Variants in OPRM1 observed in about 807,000 individuals in gnomAD.
OPRM1 encodes mu-type opioid receptor.
In OPRM1, 27 loss-of-function variants were observed where a neutral mutation model predicts 31.8. That is an observed-to-expected ratio of 0.85 (90% CI 0.63 to 1.17). The LOEUF is 1.17. OPRM1 is among the 50% of genes most tolerant of loss of function. The pLI, the probability that OPRM1 is intolerant of heterozygous loss-of-function variation, is 0.00. For synonymous variants in OPRM1, 196 were observed against 189.9 expected, an observed-to-expected ratio of 1.03 and a Z score of -0.26; for missense variants, 536 against 511.1, an observed-to-expected ratio of 1.05 and a Z score of -0.47.
At chr6:154,235,931 C>T (rs934657712) in intron 3 of OPRM1, among the ~76,000 whole-genome samples, 1 of 152,152 alleles carries the variant, frequency 6.6e-6, no homozygotes, top group Non-Finnish European at 1.5e-5. Context: ...GAAAATGGAA[C>T]CCTTGTGTTC....
chr6:154,224,407 T>C (rs777065249), intron 3 of OPRM1, among the ~76,000 whole-genome samples: 1 of 152,124 alleles, frequency 6.6e-6, no homozygotes, highest in Non-Finnish European at 1.5e-5. Flanking sequence ...GCCTTCCTCT[T>C]ATAAGATTCA....
chr6:154,197,413 A>G (rs1776703131), intron 3 of OPRM1, among the ~76,000 whole-genome samples: 1 of 152,250 alleles, frequency 6.6e-6, no homozygotes, highest in African/African-American at 2.4e-5. Flanking sequence ...AATCCCCAGC[A>G]GCAGAAGAAA....
chr6:154,098,088 A>T (rs1793718769), intron 3 of OPRM1, among the ~76,000 whole-genome samples: 1 of 152,050 alleles, frequency 6.6e-6, no homozygotes, highest in African/African-American at 2.4e-5. Context: ...AATTTTAAAA[A>T]TTAGAAAAAA....
rs547206556 is a variant in OPRM1 at position 154,233,875 on chromosome 6, C to T, written c.1165-12818C>T. Among the ~76,000 whole-genome samples the T allele has an allele frequency of 3.9e-5, 6 of 152,262 alleles. No homozygotes were observed. The South Asian group carries it at 6.2e-4, about 16-fold the overall frequency. ...TCCTCGGAGATCACTGCTCCTGGGA[C>T]GAGCTCTCAACCAGCAACGAATGGG... On this transcript the variant is annotated intron_variant, in intron 3 of 3. Coordinates refer to the OPRM1 transcript ENST00000337049.
intron 1 of OPRM1, among the ~76,000 whole-genome samples, chr6:154,064,799 G>A (rs1785049218): frequency 6.6e-6 from 1 of 152,162 alleles, no homozygotes; most frequent in South Asian, 2.1e-4. Context: ...ATTTGGGCAT[G>A]TAGGCAAGGG....
chr6:154,062,532 G>A (rs1169337698), intron 1 of OPRM1, among the ~76,000 whole-genome samples: 2 of 151,722 alleles, frequency 1.3e-5, no homozygotes, highest in African/African-American at 2.4e-5. Flanking sequence ...TTTCCACAGG[G>A]AAAGGAAAAT....
In OPRM1 at chr6:154,238,135, C is replaced by T. The variant is rs570966534; in HGVS notation, c.1165-8558C>T. On this transcript the variant is annotated intron_variant, in intron 3 of 3. Coordinates refer to the OPRM1 transcript ENST00000337049. ...TGTTTCTATGTATTACTTAGTGAGA[C>T]AATCAAGTGACAACAGCATCATGTA... Among the ~76,000 whole-genome samples, 4 of 152,248 alleles carry T rather than the reference C, an allele frequency of 2.6e-5. No individual in the cohort carries two copies. The East Asian group carries it at 7.7e-4, about 29-fold the overall frequency.
intron 3 of OPRM1, among the ~76,000 whole-genome samples, chr6:154,206,860 T>C (rs184018654): frequency 1.2e-3 from 185 of 152,320 alleles, no homozygotes; most frequent in Non-Finnish European, 1.3e-3. Context: ...AGGCCGTTTG[T>C]TGGGCTGACG....
At chr6:154,100,125 TTATGACATATAA>T (rs1794495303) in intron 3 of OPRM1, among the ~76,000 whole-genome samples, 5 of 33,876 alleles carry the variant, frequency 1.5e-4, no homozygotes, top group Admixed American at 7.7e-4. Context: ...TATTATCATA[TTATGACATATAA>T]TATATATTAT....
intron 1 of OPRM1, among the ~76,000 whole-genome samples, chr6:154,026,821 T>C (rs55829778): frequency 0.029 from 4,383 of 152,292 alleles, 202 homozygotes; most frequent in African/African-American, 0.1. Context: ...TAATCTCTGT[T>C]AAATTTATCT....
Position 154,131,942 on chromosome 6 carries a change from G to GTTTTTTTTTTTTTTTTT in OPRM1, c.*13236_*13237insTTTTTTTTTTTTTTTTT, listed in dbSNP as rs11301836. Among the ~76,000 whole-genome samples, 1 of 137,336 alleles carries GTTTTTTTTTTTTTTTTT rather than the reference G, an allele frequency of 7.3e-6. No homozygotes were observed. The highest frequency in any genetic ancestry group is 7.2e-5 in the Admixed American group (1 of 13,894). The allele number at this position is 137,336 out of a possible 152,430, so 90.1% of individuals were successfully genotyped here. On this transcript the variant is annotated 3_prime_UTR_variant, in exon 4 of 4. Transcript: ENST00000330432. ...CTGGGAGTTTTTCTATAAGTTTTTG[G>GTTTTTTTTTTTTTTTTT]TTTTTTTTTTTTTTTCTCTTCATTA... is the stretch of plus-strand genomic sequence containing the variant.
intron 3 of OPRM1, among the ~76,000 whole-genome samples, chr6:154,110,886 CAAAAAAAAA>C (rs374739553): frequency 7.9e-5 from 5 of 63,610 alleles, no homozygotes; most frequent in African/African-American, 1.1e-4. Context: ...GACTCCGTCT[CAAAAAAAAA>C]AAAAAAAAAA....
At chr6:154,187,367 T>TC (rs1276572706) in intron 3 of OPRM1, among the ~76,000 whole-genome samples, 1 of 152,192 alleles carries the variant, frequency 6.6e-6, no homozygotes, top group African/African-American at 2.4e-5. Flanking sequence ...TACCAGTCTC[T>TC]CCCCTCAGTG....
At chr6:154,033,790 T>TG (rs1779139184) in intron 1 of OPRM1, among the ~76,000 whole-genome samples, 2 of 152,348 alleles carry the variant, frequency 1.3e-5, no homozygotes, top group South Asian at 4.1e-4. Flanking sequence ...TGTGGATTTG[T>TG]GGGGTCTCTA....
chr6:154,117,190 A>G (rs1182015768), intron 3 of OPRM1, among the ~76,000 whole-genome samples: 2 of 152,216 alleles, frequency 1.3e-5, no homozygotes, highest in Non-Finnish European at 2.9e-5. Context: ...CAGGGAGTTC[A>G]CAAATGTCCC....
At chr6:154,170,333 CA>C (rs1337945333) in intron 3 of OPRM1, among the ~76,000 whole-genome samples, 4 of 152,154 alleles carry the variant, frequency 2.6e-5, no homozygotes, top group African/African-American at 9.7e-5. Flanking sequence ...ACTAGAAAAA[CA>C]GCCTCTCCAT....
At chr6:154,097,991 A>G (rs573908866) in intron 3 of OPRM1, among the ~76,000 whole-genome samples, 1 of 152,194 alleles carries the variant, frequency 6.6e-6, no homozygotes, top group Non-Finnish European at 1.5e-5. Flanking sequence ...GTACTTTGGG[A>G]GGCCAAGGCA....
chr6:154,100,545 G>C (rs1794682153), intron 3 of OPRM1, among the ~76,000 whole-genome samples: 1 of 151,696 alleles, frequency 6.6e-6, no homozygotes, highest in Non-Finnish European at 1.5e-5. Flanking sequence ...ATCATTATCA[G>C]ATACCAAATA....
chr6:154,230,862 T>C (rs896021651), intron 3 of OPRM1, among the ~76,000 whole-genome samples: 1 of 152,182 alleles, frequency 6.6e-6, no homozygotes, highest in African/African-American at 2.4e-5. Flanking sequence ...AAATAGAATC[T>C]TGAATTCAAG....
Sources: allele counts gnomAD v4.1 joint callset (sites outside exome capture counted in the v4.1 genomes callset), GRCh38; gene constraint gnomAD v4.1.1; transcripts MANE v1.5; gene names NCBI Gene and HGNC (gene_info 2026-07-23, HGNC 2026-07-21).